The following ZNF608 variants were observed in gnomAD, a reference collection of about 807,000 sequenced individuals.
ZNF608 encodes renal carcinoma antigen NY-REN-36.
Under a neutral mutation model 109.0 loss-of-function variants are expected in ZNF608, and 12 were observed. That is an observed-to-expected ratio of 0.11 (90% CI 0.07 to 0.18). The LOEUF is 0.18. ZNF608 is among the 10% of genes least tolerant of loss of function. The pLI is 1.00. For missense variants in ZNF608, 1,707 were observed against 1,879.3 expected, an observed-to-expected ratio of 0.91 and a Z score of 1.70; for synonymous variants, 732 against 717.4, an observed-to-expected ratio of 1.02 and a Z score of -0.33.
chr5:124,744,231 C>T lies in ZNF608; in HGVS notation c.759G>A (p.Gly253=). The T allele has an allele frequency of 1.2e-6, 2 of 1,613,872 alleles. No homozygotes were observed. The highest frequency in any genetic ancestry group is 1.7e-6 in the Non-Finnish European group (2 of 1,179,986). Reference sequence around the variant, plus strand: ...CGGCGACGCTGCCACTCCCAGTGCCCCCGCAGTGGAAGGGGCTCGCGCCAC... The same window carrying T: ...CGGCGACGCTGCCACTCCCAGTGCCTCCGCAGTGGAAGGGGCTCGCGCCAC... ...NGGGASPFHC[G]GTGSGSVAAA... The change falls in exon 2 of 10, where the codon GGG becomes GGA. Residue 253 remains glycine (G), a synonymous_variant. Coordinates refer to ENST00000513986, the MANE Select transcript of ZNF608 (RefSeq NM_020747.3). The surrounding 1 kb of genome is among the most constrained non-coding windows in gnomAD (Gnocchi z 4.5).
chr5:124,693,286 A>C (rs923091687), intron 3 of ZNF608, among the ~76,000 whole-genome samples: 1 of 152,180 alleles, frequency 6.6e-6, no homozygotes, highest in Non-Finnish European at 1.5e-5. Flanking sequence ...TTTTGTAATT[A>C]GAAAATACAT....
intron 2 of ZNF608, among the ~76,000 whole-genome samples, chr5:124,717,343 C>A (rs1443154988): frequency 1.3e-5 from 2 of 151,018 alleles, no homozygotes; most frequent in African/African-American, 2.4e-5. Context: ...TGGTGGCAAG[C>A]ACCTGTAATC....
At chr5:124,684,060 G>C (rs1298412501) in intron 3 of ZNF608, among the ~76,000 whole-genome samples, 1 of 152,216 alleles carries the variant, frequency 6.6e-6, no homozygotes, top group East Asian at 1.9e-4. Flanking sequence ...AGTAAACAGA[G>C]TCCTAGAAAC....
chr5:124,746,670 T>G (rs1309690250), upstream of ZNF608: 1 of 985,058 alleles, frequency 1.0e-6, no homozygotes, highest in East Asian at 1.1e-4. Flanking sequence ...CGGGATAAAT[T>G]AGTGAAAGGG....
chr5:124,710,902 C>G (rs968521668), intron 2 of ZNF608, among the ~76,000 whole-genome samples: 11 of 152,140 alleles, frequency 7.2e-5, no homozygotes, highest in African/African-American at 2.7e-4. Context: ...AGCTACATAT[C>G]TATTGTCAAG....
intron 2 of ZNF608, among the ~76,000 whole-genome samples, chr5:124,718,216 A>G (rs903982454): frequency 7.9e-5 from 12 of 152,270 alleles, no homozygotes; most frequent in African/African-American, 2.6e-4. Flanking sequence ...ACATCTTCCC[A>G]CTGAAAGCAG....
chr5:124,718,200 A>C (rs1034613541), intron 2 of ZNF608, among the ~76,000 whole-genome samples: 1 of 152,202 alleles, frequency 6.6e-6, no homozygotes, highest in Non-Finnish European at 1.5e-5. Flanking sequence ...TGCCATCCCA[A>C]CTTGTACATC....
chr5:124,657,044 A>G (rs1194647314), intron 3 of ZNF608, among the ~76,000 whole-genome samples: 1 of 152,172 alleles, frequency 6.6e-6, no homozygotes, highest in African/African-American at 2.4e-5. Flanking sequence ...TTTCTTTCCC[A>G]TGAAGACAGG....
intron 3 of ZNF608, among the ~76,000 whole-genome samples, chr5:124,686,771 T>C (rs954424343): frequency 2.0e-5 from 3 of 152,200 alleles, no homozygotes; most frequent in African/African-American, 7.2e-5. Context: ...TCTGTCAACA[T>C]GGATATGAGG....
intron 3 of ZNF608, among the ~76,000 whole-genome samples, chr5:124,674,385 T>G (rs992743093): frequency 1.3e-5 from 2 of 152,196 alleles, no homozygotes; most frequent in African/African-American, 4.8e-5. Context: ...ATCAGTAGGT[T>G]TTAACTTGCC....
chr5:124,654,648 C>T (rs532520804), intron 3 of ZNF608, among the ~76,000 whole-genome samples: 4 of 152,354 alleles, frequency 2.6e-5, no homozygotes, highest in South Asian at 2.1e-4. Context: ...CAACTAGACT[C>T]CTTCTCAGCC....
At chr5:124,671,450 C>G (rs193035821) in intron 3 of ZNF608, among the ~76,000 whole-genome samples, 2 of 152,126 alleles carry the variant, frequency 1.3e-5, no homozygotes, top group African/African-American at 4.8e-5. Flanking sequence ...TTTCTAATAA[C>G]TACTACAGCA....
chr5:124,713,486 C>G (rs1477128204), intron 2 of ZNF608, among the ~76,000 whole-genome samples: 2 of 152,210 alleles, frequency 1.3e-5, no homozygotes, highest in Non-Finnish European at 2.9e-5. Flanking sequence ...ATGTTATTCT[C>G]TCCCACAAAA....
chr5:124,667,200 T>C (rs1359731087), intron 3 of ZNF608, among the ~76,000 whole-genome samples: 1 of 152,186 alleles, frequency 6.6e-6, no homozygotes, highest in African/African-American at 2.4e-5. Context: ...AGTCATTACA[T>C]TAAAGAAATA....
At chr5:124,642,499 T>C (rs1230075619) in intron 7 of ZNF608, among the ~76,000 whole-genome samples, 2 of 152,106 alleles carry the variant, frequency 1.3e-5, no homozygotes, top group African/African-American at 4.8e-5. Context: ...GATGTGAATA[T>C]GAAGGGTCAA....
rs560750662 is a variant in ZNF608 at position 124,724,505 on chromosome 5, A to AC, written c.906+19578_906+19579insG. Among the ~76,000 whole-genome samples the AC allele has an allele frequency of 3.3e-3, 505 of 151,608 alleles. 2 individuals are homozygous for AC. The highest frequency in any genetic ancestry group is 4.7e-3 in the Non-Finnish European group (320 of 67,858). On this transcript the variant is annotated intron_variant, in intron 2 of 9. Transcript: ENST00000513986. ...GAGTATGCAAAGAGTGCAAAAAAAAAAAAAAAAAAAGACTGGCATTTCTAT... is the reference window on the plus strand; with the variant it reads ...GAGTATGCAAAGAGTGCAAAAAAAAACAAAAAAAAAAGACTGGCATTTCTAT...
intron 3 of ZNF608, among the ~76,000 whole-genome samples, chr5:124,667,649 TTTAATTTA>T (rs56693477): frequency 0.065 from 9,852 of 152,244 alleles, 400 homozygotes; most frequent in African/African-American, 0.099. Flanking sequence ...CTTTTGTTTG[TTTAATTTA>T]ACAAGTGCAT....
intron 3 of ZNF608, among the ~76,000 whole-genome samples, chr5:124,670,499 A>C (rs1234675747): frequency 6.6e-6 from 1 of 152,148 alleles, no homozygotes; most frequent in East Asian, 1.9e-4. Flanking sequence ...GCTAAGAGAA[A>C]AAACTAATAG....
intron 2 of ZNF608, among the ~76,000 whole-genome samples, chr5:124,720,036 A>G: frequency 6.6e-6 from 1 of 152,220 alleles, no homozygotes; most frequent in East Asian, 1.9e-4. Flanking sequence ...CAAAACAACC[A>G]ACAGGAGTAT....
Sources: allele counts gnomAD v4.1 joint callset (sites outside exome capture counted in the v4.1 genomes callset), GRCh38; gene constraint gnomAD v4.1.1; non-coding constraint Gnocchi (gnomAD v3.1); transcripts MANE v1.5; gene names NCBI Gene and HGNC (gene_info 2026-07-23, HGNC 2026-07-21).